PGM5: variants seen among roughly 807,000 people sequenced by gnomAD.
PGM5 encodes phosphoglucomutase 5.
PGM5 carries 23 observed loss-of-function variants against 59.2 expected under a neutral mutation model. The observed-to-expected ratio is 0.39, with a 90% CI of 0.28 to 0.55. The LOEUF is 0.55. Among genes scored for constraint, PGM5 ranks in the 20% least tolerant of loss-of-function variants. The pLI is 0.66. For synonymous variants in PGM5, 214 were observed against 286.0 expected (o/e 0.75, Z 2.54); for missense variants, 574 against 748.3 (o/e 0.77, Z 2.72).
At chr9:68,414,508 C>G (rs1349806057) in intron 6 of PGM5, among the ~76,000 whole-genome samples, 1 of 152,154 alleles carries the variant, frequency 6.6e-6, no homozygotes, top group African/African-American at 2.4e-5. Flanking sequence ...AGTCTCCCCA[C>G]TGTGAACAAC....
chr9:68,518,393 GATAC>G (rs1318058682), intron 10 of PGM5, among the ~76,000 whole-genome samples: 2 of 152,106 alleles, frequency 1.3e-5, no homozygotes, highest in African/African-American at 4.8e-5. Flanking sequence ...AAAGCACTTG[GATAC>G]ACAAAGCAAC....
intron 6 of PGM5, chr9:68,406,639 T>G (rs1435393431): frequency 8.1e-6 from 1 of 124,096 alleles, no homozygotes; most frequent in Admixed American, 8.9e-5. Flanking sequence ...GCACAGGGTC[T>G]TGTACTGAGG....
chr9:68,367,526 A>G (rs1834703510), intron 1 of PGM5, among the ~76,000 whole-genome samples: 1 of 152,222 alleles, frequency 6.6e-6, no homozygotes, highest in Non-Finnish European at 1.5e-5. Context: ...ATGTTTGTTC[A>G]GGGGGCCTGT....
At chr9:68,469,154 G>T (rs1823983279) in intron 7 of PGM5, among the ~76,000 whole-genome samples, 1 of 152,196 alleles carries the variant, frequency 6.6e-6, no homozygotes. Flanking sequence ...CTGGCCTCAA[G>T]TGATCCGCCC....
At chr9:68,432,953 A>C (rs1252816785) in intron 6 of PGM5, among the ~76,000 whole-genome samples, 1 of 152,130 alleles carries the variant, frequency 6.6e-6, no homozygotes, top group Non-Finnish European at 1.5e-5. Flanking sequence ...CCGTTATACC[A>C]TGATGGAATC....
intron 9 of PGM5, chr9:68,498,135 C>A (rs1339921419): frequency 6.6e-6 from 1 of 152,182 alleles, no homozygotes; most frequent in East Asian, 1.9e-4. Context: ...ACATGCCTCC[C>A]CCTTTTGGTT....
At chr9:68,482,382 G>C (rs1824212294) in intron 8 of PGM5, among the ~76,000 whole-genome samples, 2 of 152,050 alleles carry the variant, frequency 1.3e-5, no homozygotes, top group Admixed American at 1.3e-4. Context: ...AGAATGTTCT[G>C]AGGGAGTTCC....
chr9:68,462,675 T>C (rs1823874818), intron 6 of PGM5, among the ~76,000 whole-genome samples: 3 of 152,050 alleles, frequency 2.0e-5, no homozygotes, highest in Admixed American at 2.0e-4. Flanking sequence ...TCAGAGAACA[T>C]ACATCCCCAC....
chr9:68,477,773 A>G (rs2132088330), intron 7 of PGM5, among the ~76,000 whole-genome samples: 1 of 152,382 alleles, frequency 6.6e-6, no homozygotes, highest in African/African-American at 2.4e-5. Flanking sequence ...ACATCTGGGC[A>G]TATTTAGTTG....
chr9:68,390,759 A>G (rs1822343617), intron 4 of PGM5, among the ~76,000 whole-genome samples: 1 of 152,174 alleles, frequency 6.6e-6, no homozygotes, highest in African/African-American at 2.4e-5. Context: ...ACACTTGCCA[A>G]CTTTATATTA....
intron 1 of PGM5, among the ~76,000 whole-genome samples, chr9:68,362,741 C>T (rs1235638685): frequency 3.3e-5 from 5 of 152,016 alleles, no homozygotes; most frequent in Non-Finnish European, 4.4e-5. Context: ...TGGGTGGGTA[C>T]ACCTAAGGCA....
chr9:68,398,755 C>G (rs1464562218), intron 6 of PGM5: 2 of 152,144 alleles, frequency 1.3e-5, no homozygotes, highest in East Asian at 3.9e-4. Flanking sequence ...AAAAAGCCAC[C>G]AGCATAAATG....
intron 8 of PGM5, among the ~76,000 whole-genome samples, chr9:68,482,485 A>G (rs1554687195): frequency 6.6e-6 from 1 of 152,198 alleles, no homozygotes; most frequent in South Asian, 2.1e-4. Flanking sequence ...CCATTGCTAG[A>G]CATGGTATTA....
At position 68,357,362 on chromosome 9, in the gene PGM5, G is replaced by T; in HGVS notation, c.235G>T (p.Val79Leu). 1.9e-6 allele frequency: 3 copies of T among 1,561,792 alleles called. No homozygotes were observed. Among genetic ancestry groups the T allele is most frequent in the Middle Eastern group, 2.3e-4 (1 of 4,380 alleles). Residue 79 changes from valine to leucine, a missense_variant, in exon 1 of 11, where the codon GTG becomes TTG. Coordinates refer to ENST00000396396, the MANE Select transcript of PGM5 (RefSeq NM_021965.4). ...RYFSRTAIEI[V>L]VQMAAANGIG... Reference sequence around the variant, plus strand: ...CTTTAGCAGGACGGCCATCGAGATCGTGGTGCAGATGGCCGCGGCCAACGG... The same window carrying T: ...CTTTAGCAGGACGGCCATCGAGATCTTGGTGCAGATGGCCGCGGCCAACGG...
At chr9:68,517,034 G>A (rs1312312955) in intron 10 of PGM5, among the ~76,000 whole-genome samples, 10 of 151,506 alleles carry the variant, frequency 6.6e-5, no homozygotes, top group Admixed American at 6.6e-4. Flanking sequence ...ACCACGCCCG[G>A]CTAATTTTTT....
chr9:68,477,911 C>G (rs1554686796), intron 7 of PGM5, among the ~76,000 whole-genome samples: 1 of 152,202 alleles, frequency 6.6e-6, no homozygotes, highest in East Asian at 1.9e-4. Flanking sequence ...TAGAGCTTGT[C>G]CTCTTAACTT....
intron 6 of PGM5, among the ~76,000 whole-genome samples, chr9:68,416,349 G>A (rs1356004909): frequency 2.6e-5 from 4 of 152,146 alleles, no homozygotes; most frequent in African/African-American, 7.2e-5. Context: ...GGACCCTGAG[G>A]CATGTGTTTT....
chr9:68,379,678 G>A (rs1296994186), intron 2 of PGM5, among the ~76,000 whole-genome samples: 1 of 151,984 alleles, frequency 6.6e-6, no homozygotes, highest in African/African-American at 2.4e-5. Context: ...TCAACAACAA[G>A]ATCCAACTAG....
At chr9:68,418,869 A>G (rs377035024) in intron 6 of PGM5, among the ~76,000 whole-genome samples, 1 of 152,098 alleles carries the variant, frequency 6.6e-6, no homozygotes, top group Non-Finnish European at 1.5e-5. Flanking sequence ...CAGAGAGAGT[A>G]AGGAGGTGTT....
Sources: gnomAD v4.1 joint callset for allele counts (sites outside exome capture counted in the v4.1 genomes callset) on GRCh38, gnomAD v4.1.1 for gene constraint, MANE v1.5 for transcripts, NCBI Gene and HGNC (gene_info 2026-07-23, HGNC 2026-07-21) for gene names.